MSR1: variants seen among roughly 807,000 people sequenced by gnomAD.
The protein encoded by MSR1 is macrophage scavenger receptor types I and II.
Under a neutral mutation model 47.2 loss-of-function variants are expected in MSR1, and 53 were observed. The ratio of observed to expected loss-of-function variants is 1.12; its 90% CI spans 0.90 to 1.41. The LOEUF (loss-of-function observed/expected upper bound fraction) is 1.41. MSR1 is among the 40% of genes most tolerant of loss of function. MSR1 has a pLI of 0.00. For missense variants in MSR1, 786 were observed against 546.9 expected (o/e 1.44, Z -4.36); for synonymous variants, 239 against 185.6 (o/e 1.29, Z -2.34).
intron 1 of MSR1, among the ~76,000 whole-genome samples, chr8:16,187,020 G>C (rs571286732): frequency 9.9e-5 from 15 of 152,016 alleles, no homozygotes; most frequent in African/African-American, 3.1e-4. Flanking sequence ...GGCAGATTGA[G>C]TCACTCCCAT....
At position 16,177,952 on chromosome 8, in the gene MSR1, C is replaced by A; in HGVS notation, c.37G>T (p.Asp13Tyr). Reference sequence around the variant, plus strand: ...ACAGATTCGGAGCAGCTATCAGTGTCCTCCTGTTGATTGTGAAAGTGATCC... The same window carrying A: ...ACAGATTCGGAGCAGCTATCAGTGTACTCCTGTTGATTGTGAAAGTGATCC... ...QWDHFHNQQEDTDSCSESVKF... is the reference protein window; with the variant it reads ...QWDHFHNQQEYTDSCSESVKF... Residue 13 changes from aspartate to tyrosine, a missense_variant, in exon 2 of 10, where the codon GAC (aspartate) becomes TAC (tyrosine). Coordinates refer to ENST00000262101, the MANE Select transcript of MSR1 (RefSeq NM_138715.3). The A allele has an allele frequency of 6.2e-7, 1 of 1,613,888 alleles. No homozygotes were observed. Among genetic ancestry groups the A allele is most frequent in the Non-Finnish European group, 8.5e-7 (1 of 1,179,900 alleles).
chr8:16,135,045 G>C (rs552360320), intron 8 of MSR1, among the ~76,000 whole-genome samples: 2 of 152,142 alleles, frequency 1.3e-5, no homozygotes, highest in Admixed American at 6.6e-5. Context: ...TAACATAAAA[G>C]TACAAGATGA....
At chr8:16,184,535 C>T (rs183328033) in intron 1 of MSR1, among the ~76,000 whole-genome samples, 118 of 152,204 alleles carry the variant, frequency 7.8e-4, no homozygotes, top group African/African-American at 2.6e-3. Context: ...GGCATGTAGC[C>T]GGTAGCATCC....
At chr8:16,165,479 T>A (rs560557281) in intron 4 of MSR1, among the ~76,000 whole-genome samples, 1 of 152,278 alleles carries the variant, frequency 6.6e-6, no homozygotes, top group South Asian at 2.1e-4. Context: ...TTATTTTTGA[T>A]GAACCAAATG....
At chr8:16,163,245 C>T (rs34425936) in intron 5 of MSR1, among the ~76,000 whole-genome samples, 9 of 151,692 alleles carry the variant, frequency 5.9e-5, no homozygotes, top group African/African-American at 2.2e-4. Flanking sequence ...CTGGAAAAAA[C>T]CAGAGCACAT....
rs1227435895 is a variant in MSR1, at chr8:16,123,674, C to T, written c.1034-3068G>A. ...TTCAAATCAAATAAACACAGATAAGCATAGACTATGTGCCTAAACGATTTC... is the reference window on the plus strand; with the variant it reads ...TTCAAATCAAATAAACACAGATAAGTATAGACTATGTGCCTAAACGATTTC... On this transcript the variant is annotated intron_variant, in intron 8 of 9. Transcript: ENST00000262101. Among the ~76,000 whole-genome samples, 3 of 151,674 alleles carry T rather than the reference C, an allele frequency of 2.0e-5. No individual in the cohort carries two copies. The East Asian group carries it at 5.9e-4, about 30-fold the overall frequency.
intron 3 of MSR1, among the ~76,000 whole-genome samples, chr8:16,170,711 G>T (rs1356648469): frequency 1.3e-5 from 2 of 152,020 alleles, no homozygotes; most frequent in African/African-American, 4.8e-5. Context: ...CTAACTCAAG[G>T]ATTTTGTTCA....
intron 8 of MSR1, chr8:16,139,459 G>A (rs1800471463): frequency 2.0e-6 from 2 of 979,360 alleles, no homozygotes; most frequent in Non-Finnish European, 1.2e-6. Flanking sequence ...GATACACAGA[G>A]GCATACCATC....
At chr8:16,168,090 T>C (rs528628483) in intron 4 of MSR1, among the ~76,000 whole-genome samples, 2 of 152,150 alleles carry the variant, frequency 1.3e-5, no homozygotes, top group Non-Finnish European at 2.9e-5. Flanking sequence ...AATCTAAGCA[T>C]ATCAAATATG....
At chr8:16,152,648 C>A (rs1218893236) in intron 6 of MSR1, among the ~76,000 whole-genome samples, 2 of 152,050 alleles carry the variant, frequency 1.3e-5, no homozygotes, top group Non-Finnish European at 2.9e-5. Context: ...TGGGCATAAA[C>A]AGCTTCTTAG....
intron 8 of MSR1, among the ~76,000 whole-genome samples, chr8:16,130,333 G>A (rs1269199802): frequency 1.3e-5 from 2 of 152,046 alleles, no homozygotes; most frequent in South Asian, 2.1e-4. Flanking sequence ...GCATGTGCTC[G>A]CTTTGTGTCT....
intron 9 of MSR1, among the ~76,000 whole-genome samples, chr8:16,113,448 G>A (rs951559088): frequency 6.6e-6 from 1 of 152,088 alleles, no homozygotes; most frequent in Non-Finnish European, 1.5e-5. Flanking sequence ...ATAGTTAAAA[G>A]TGCCTGAATG....
rs557364532 is a variant in MSR1, at chr8:16,135,264, G to C, written c.1033+8294C>G. Among the ~76,000 whole-genome samples the C allele has an allele frequency of 1.3e-4, 20 of 152,140 alleles. No homozygotes were observed. In the South Asian group the frequency reaches 3.5e-3, roughly 27 times the overall value. The stretch of plus-strand genomic sequence containing the variant: ...AGTATAGGCTAATTCCCTTGTTAGG[G>C]GCTAATGCAGCCAGTGACTTTAAGT... On this transcript the variant is annotated intron_variant, in intron 8 of 9. Transcript: ENST00000262101.
chr8:16,185,666 G>A (rs185169089), intron 1 of MSR1, among the ~76,000 whole-genome samples: 7 of 151,834 alleles, frequency 4.6e-5, no homozygotes, highest in Admixed American at 4.0e-4. Context: ...CCAATTTTTG[G>A]ACTTCGGCTT....
chr8:16,154,005 T>C (rs1800930983), intron 6 of MSR1, among the ~76,000 whole-genome samples: 1 of 152,026 alleles, frequency 6.6e-6, no homozygotes, highest in Admixed American at 6.6e-5. Context: ...ATTTTATATA[T>C]ATAAAACATG....
intron 9 of MSR1, among the ~76,000 whole-genome samples, chr8:16,119,029 T>A (rs1016029643): frequency 1.3e-5 from 2 of 152,136 alleles, no homozygotes; most frequent in South Asian, 2.1e-4. Flanking sequence ...AAGCTGTTTA[T>A]TTCCTTTGTT....
At chr8:16,187,104 T>A (rs1434253478) in intron 1 of MSR1, among the ~76,000 whole-genome samples, 1 of 151,914 alleles carries the variant, frequency 6.6e-6, no homozygotes, top group East Asian at 1.9e-4. Flanking sequence ...GCAGACCACC[T>A]GTAATTCCTG....
At position 16,155,163 on chromosome 8, in the gene MSR1, T is replaced by C. The variant is rs775468829; in HGVS notation, c.818-19A>G. The C allele has an allele frequency of 6.3e-7, 1 of 1,589,346 alleles. No homozygotes were observed. Among genetic ancestry groups the C allele is most frequent in the Non-Finnish European group, 8.6e-7 (1 of 1,159,066 alleles). Reference sequence around the variant, plus strand: ...GGAGGACCTTTAAAAAAATTACAGTTACTGATCATAGTTGTAAAGCATAGG... The same window carrying C: ...GGAGGACCTTTAAAAAAATTACAGTCACTGATCATAGTTGTAAAGCATAGG... On this transcript the variant is annotated intron_variant, in intron 5 of 9. Transcript: ENST00000262101.
At chr8:16,181,960 T>C (rs1801845995) in intron 1 of MSR1, among the ~76,000 whole-genome samples, 1 of 152,180 alleles carries the variant, frequency 6.6e-6, no homozygotes, top group Non-Finnish European at 1.5e-5. Context: ...AGGACAAAGA[T>C]ACGTTCTGAG....
Sources: allele counts gnomAD v4.1 joint callset (sites outside exome capture counted in the v4.1 genomes callset), GRCh38; gene constraint gnomAD v4.1.1; transcripts MANE v1.5; gene names NCBI Gene and HGNC (gene_info 2026-07-23, HGNC 2026-07-21).